The following WWC2 variants were observed in gnomAD, a reference collection of about 807,000 sequenced individuals.
WWC2 encodes WW and C2 domain containing 2, also known as protein WWC2.
In WWC2, 101 loss-of-function variants were observed where a neutral mutation model predicts 138.5. The ratio of observed to expected loss-of-function variants is 0.73; its 90% CI spans 0.62 to 0.86. The LOEUF is 0.86. WWC2 is among the 40% of genes least tolerant of loss of function. WWC2 has a pLI of 0.00. For synonymous variants in WWC2, 558 were observed against 538.4 expected, an observed-to-expected ratio of 1.04 and a Z score of -0.50; for missense variants, 1,420 against 1,419.4, an observed-to-expected ratio of 1.00 and a Z score of -0.01.
chr4:183,247,623 C>CTATATATACTATATATACTATATATAGTA (rs1553971250), intron 6 of WWC2, among the ~76,000 whole-genome samples: 1 of 126,990 alleles, frequency 7.9e-6, no homozygotes, highest in African/African-American at 3.3e-5. Context: ...ACTATATATA[C>CTATATATACTATATATACTATATATAGTA]TATATACTAT....
intron 1 of WWC2, among the ~76,000 whole-genome samples, chr4:183,103,242 G>C (rs1743236492): frequency 6.6e-6 from 1 of 151,878 alleles, no homozygotes; most frequent in African/African-American, 2.4e-5. Context: ...GGGGGTGCCA[G>C]CTGGGTATAT....
intron 21 of WWC2, among the ~76,000 whole-genome samples, chr4:183,290,068 T>C (rs750274319): frequency 6.6e-6 from 1 of 152,206 alleles, no homozygotes; most frequent in Non-Finnish European, 1.5e-5. Flanking sequence ...ATTAACCACA[T>C]CAATTGTGAA....
At chr4:183,164,301 C>CAT (rs1491455236) in intron 1 of WWC2, among the ~76,000 whole-genome samples, 7 of 2,234 alleles carry the variant, frequency 3.1e-3, no homozygotes, top group Admixed American at 9.6e-3. Context: ...TATATATATA[C>CAT]ATATATATAT....
chr4:183,153,153 C>T (rs915810845), intron 1 of WWC2, among the ~76,000 whole-genome samples: 11 of 152,176 alleles, frequency 7.2e-5, no homozygotes, highest in South Asian at 2.1e-4. Context: ...TATCCTCCTG[C>T]GTTGGCCTTC....
At chr4:183,193,135 G>A (rs1200629857) in intron 1 of WWC2, among the ~76,000 whole-genome samples, 1 of 152,218 alleles carries the variant, frequency 6.6e-6, no homozygotes, top group East Asian at 1.9e-4. Context: ...AGAACTTATA[G>A]TAGCCTTCAC....
chr4:183,215,282 C>T (rs538207386), intron 4 of WWC2, among the ~76,000 whole-genome samples: 1 of 152,270 alleles, frequency 6.6e-6, no homozygotes, highest in African/African-American at 2.4e-5. Flanking sequence ...GTATCATAGT[C>T]ATCTATTTTT....
chr4:183,312,446 C>T lies in WWC2; in HGVS notation c.3490C>T (p.Pro1164Ser). 8.7e-6 allele frequency: 14 copies of T among 1,613,662 alleles called. No homozygotes were observed. Among genetic ancestry groups the T allele is most frequent in the Non-Finnish European group, 1.0e-5 (12 of 1,179,678 alleles). Residue 1164 changes from proline to serine, a missense_variant, in exon 22 of 23, where the codon CCT (proline) becomes TCT (serine). Pro to Ser is a moderately conservative substitution (Grantham distance 74, BLOSUM62 -1). Coordinates refer to ENST00000403733, the MANE Select transcript of WWC2 (RefSeq NM_024949.6). The part of the protein sequence containing the change: ...CRLREQSQKV[P>S]RQVQSFREKI... The stretch of plus-strand genomic sequence containing the variant: ...GCTCCGGGAGCAGAGCCAGAAGGTG[C>T]CTCGGCAGGTGCAGTCCTTCAGGTG...
At chr4:183,141,334 A>T (rs1260921573) in intron 1 of WWC2, among the ~76,000 whole-genome samples, 1 of 152,120 alleles carries the variant, frequency 6.6e-6, no homozygotes, top group Non-Finnish European at 1.5e-5. Flanking sequence ...GGAGAGCGTC[A>T]GTTCTCCCTT....
chr4:183,169,361 A>G (rs1213703732), intron 1 of WWC2, among the ~76,000 whole-genome samples: 1 of 152,360 alleles, frequency 6.6e-6, no homozygotes, highest in East Asian at 1.9e-4. Context: ...TGTTTTTTAC[A>G]CATTTATCGA....
chr4:183,262,160 A>G (rs1051133361), intron 11 of WWC2, among the ~76,000 whole-genome samples: 19 of 152,226 alleles, frequency 1.2e-4, no homozygotes, highest in African/African-American at 4.6e-4. Context: ...AACAGGAAAA[A>G]TATCATTTTT....
At chr4:183,314,008 G>C (rs974715343) in intron 22 of WWC2, among the ~76,000 whole-genome samples, 25 of 152,062 alleles carry the variant, frequency 1.6e-4, no homozygotes, top group Admixed American at 1.6e-3. Flanking sequence ...AGAAGCGAGT[G>C]TTTTTGAAGT....
chr4:183,240,329 A>G, intron 5 of WWC2, 67 bp downstream of exon 5: 1 of 1,270,904 alleles, frequency 7.9e-7, no homozygotes, highest in Non-Finnish European at 1.1e-6. Flanking sequence ...CAAAGAAAAT[A>G]GAAGTACAGA....
At chr4:183,105,832 G>A (rs143187246) in intron 1 of WWC2, among the ~76,000 whole-genome samples, 4,312 of 151,616 alleles carry the variant, frequency 0.028, 89 homozygotes, top group South Asian at 0.044. Context: ...GGAGCTTGCA[G>A]TGAGCAGACA....
intron 5 of WWC2, 107 bp downstream of exon 5, chr4:183,240,369 A>C: frequency 1.2e-6 from 1 of 803,456 alleles, no homozygotes; most frequent in Non-Finnish European, 1.8e-6. Flanking sequence ...AAGAAACGTA[A>C]AGTAAAAAAG....
chr4:183,145,472 AT>A (rs1273982438), intron 1 of WWC2, among the ~76,000 whole-genome samples: 1 of 152,208 alleles, frequency 6.6e-6, no homozygotes, highest in African/African-American at 2.4e-5. Context: ...ATTTACCTGC[AT>A]GCATATTTTA....
chr4:183,283,242 TGTAGTAA>T (rs1738140143), intron 18 of WWC2, among the ~76,000 whole-genome samples: 1 of 152,246 alleles, frequency 6.6e-6, no homozygotes, highest in African/African-American at 2.4e-5. Flanking sequence ...GTTCCGTATA[TGTAGTAA>T]GTTTTATTTC....
intron 20 of WWC2, among the ~76,000 whole-genome samples, chr4:183,286,759 G>A (rs1274187006): frequency 3.3e-5 from 5 of 152,060 alleles, no homozygotes; most frequent in Admixed American, 2.6e-4. Flanking sequence ...CTCTGTTGAC[G>A]GCGAACTCAC....
At chr4:183,204,421 AC>A (rs1735386689) in intron 2 of WWC2, among the ~76,000 whole-genome samples, 1 of 152,196 alleles carries the variant, frequency 6.6e-6, no homozygotes. Flanking sequence ...GAGGTAAAAT[AC>A]TTAGAGTCTC....
At chr4:183,236,042 A>G (rs556842691) in intron 4 of WWC2, among the ~76,000 whole-genome samples, 1 of 152,294 alleles carries the variant, frequency 6.6e-6, no homozygotes, top group African/African-American at 2.4e-5. Context: ...TATGAGAGAG[A>G]TAGGGGTCTA....
Sources: gnomAD v4.1 joint callset for allele counts (sites outside exome capture counted in the v4.1 genomes callset) on GRCh38, gnomAD v4.1.1 for gene constraint, MANE v1.5 for transcripts, NCBI Gene and HGNC (gene_info 2026-07-23, HGNC 2026-07-21) for gene names.